The following RBFOX1 variants were observed in gnomAD, a reference collection of about 807,000 sequenced individuals.
The protein encoded by RBFOX1 is RNA binding protein fox-1 homolog 1.
In RBFOX1, 8 loss-of-function variants were observed where a neutral mutation model predicts 57.7. The ratio of observed to expected loss-of-function variants is 0.14; its 90% confidence interval spans 0.08 to 0.25. RBFOX1 has a LOEUF of 0.25. Ranked by LOEUF, RBFOX1 falls within the 10% of genes least tolerant of loss-of-function variation. RBFOX1 has a pLI of 1.00. For missense variants in RBFOX1, 611 were observed against 548.5 expected (o/e 1.11, Z -1.14); for synonymous variants, 326 against 222.4 (o/e 1.47, Z -4.15).
At chr16:7,003,062 G>A (rs1174378439) in intron 3 of RBFOX1, among the ~76,000 whole-genome samples, 1 of 151,750 alleles carries the variant, frequency 6.6e-6, no homozygotes, top group African/African-American at 2.4e-5. Flanking sequence ...GTTTCCCAAA[G>A]AGAGGTTATA....
At chr16:5,730,349 A>ATGGAGAGAATGAGCCTAGAG (rs1184494600) in intron 3 of RBFOX1, among the ~76,000 whole-genome samples, 135 of 152,226 alleles carry the variant, frequency 8.9e-4, no homozygotes, top group Non-Finnish European at 1.8e-3. Context: ...GAGCATATAG[A>ATGGAGAGAATGAGCCTAGAG]TGGAGAGAAT....
intron 3 of RBFOX1, among the ~76,000 whole-genome samples, chr16:6,686,276 C>T (rs1381754038): frequency 1.3e-5 from 2 of 152,162 alleles, no homozygotes; most frequent in African/African-American, 2.4e-5. Flanking sequence ...TCATAGCAAT[C>T]GAAGGCGTCT....
intron 3 of RBFOX1, among the ~76,000 whole-genome samples, chr16:6,966,769 ATCTATCTATCTATCTATCTATCTG>A (rs796340771): frequency 0.02 from 505 of 25,130 alleles, 5 homozygotes; most frequent in East Asian, 0.036. Context: ...CTGTCTATCT[ATCTATCTATCTATCTATCTATCTG>A]TCTGTCTGTC....
chr16:6,812,339 G>T (rs2088885648), intron 3 of RBFOX1, among the ~76,000 whole-genome samples: 2 of 152,112 alleles, frequency 1.3e-5, no homozygotes, highest in Admixed American at 1.3e-4. Context: ...AATGCAAAGT[G>T]CCAATTAGCA....
chr16:6,949,946 G>C (rs372395273), intron 3 of RBFOX1, among the ~76,000 whole-genome samples: 1 of 100,954 alleles, frequency 9.9e-6, no homozygotes, highest in Non-Finnish European at 2.1e-5. Context: ...TTTTTTTGTT[G>C]TTGTTGTTGT....
chr16:5,266,550 T>TTC (rs1302786456), intron 1 of RBFOX1, among the ~76,000 whole-genome samples: 1 of 148,344 alleles, frequency 6.7e-6, no homozygotes, highest in Non-Finnish European at 1.5e-5. Context: ...AATGTTCAGT[T>TTC]TTTTTTTTTT....
At chr16:6,645,499 G>T (rs1436823577) in intron 2 of RBFOX1, among the ~76,000 whole-genome samples, 2 of 152,192 alleles carry the variant, frequency 1.3e-5, no homozygotes, top group Middle Eastern at 3.4e-3. Flanking sequence ...TGCATTGTGG[G>T]CATGAATAAC....
intron 2 of RBFOX1, among the ~76,000 whole-genome samples, chr16:6,467,633 A>C (rs1412415400): frequency 2.0e-5 from 3 of 152,204 alleles, no homozygotes; most frequent in African/African-American, 7.2e-5. Flanking sequence ...ACAAATATAC[A>C]GGAAATAGAC....
intron 1 of RBFOX1, among the ~76,000 whole-genome samples, chr16:5,352,197 G>A (rs530866071): frequency 3.2e-4 from 48 of 152,100 alleles, no homozygotes; most frequent in Admixed American, 7.2e-4. Context: ...TCCCTCTCAT[G>A]TGCTCCTCCG....
intron 4 of RBFOX1, among the ~76,000 whole-genome samples, chr16:7,151,125 A>G (rs1416473075): frequency 6.6e-6 from 1 of 152,198 alleles, no homozygotes; most frequent in Non-Finnish European, 1.5e-5. Flanking sequence ...CCAACCAGCA[A>G]TGTCCTATGT....
chr16:5,291,261 G>GTTTT (rs71142610), intron 1 of RBFOX1, among the ~76,000 whole-genome samples: 17 of 118,800 alleles, frequency 1.4e-4, no homozygotes, highest in African/African-American at 3.3e-4. Context: ...TTTATCATTG[G>GTTTT]TTTTTTTTTT....
chr16:6,867,052 A>G (rs1022935413), intron 3 of RBFOX1, among the ~76,000 whole-genome samples: 17 of 151,044 alleles, frequency 1.1e-4, no homozygotes, highest in Admixed American at 9.2e-4. Flanking sequence ...TCTTGCTATT[A>G]TTATGAGTTT....
chr16:6,140,818 G>GA (rs1001012160), intron 1 of RBFOX1, among the ~76,000 whole-genome samples: 5 of 152,164 alleles, frequency 3.3e-5, no homozygotes, highest in African/African-American at 1.2e-4. Flanking sequence ...TCTCACTTCT[G>GA]AAAAAAGAGC....
At chr16:6,489,431 T>G (rs2095580221) in intron 2 of RBFOX1, among the ~76,000 whole-genome samples, 2 of 152,194 alleles carry the variant, frequency 1.3e-5, no homozygotes, top group South Asian at 4.1e-4. Flanking sequence ...TTGTTATTGT[T>G]TTTATCTACT....
chr16:5,812,620 C>G (rs951784853), intron 3 of RBFOX1, among the ~76,000 whole-genome samples: 8 of 151,990 alleles, frequency 5.3e-5, no homozygotes, highest in African/African-American at 1.9e-4. Context: ...CCATCATGTC[C>G]AGAAAATTCT....
chr16:5,707,883 T>C (rs1163859534), intron 3 of RBFOX1, among the ~76,000 whole-genome samples: 1 of 152,198 alleles, frequency 6.6e-6, no homozygotes, highest in Non-Finnish European at 1.5e-5. Context: ...TTGGGTTCAG[T>C]TTCCAGCTCT....
chr16:5,252,403 T>A (rs2062475081), intron 1 of RBFOX1, among the ~76,000 whole-genome samples: 1 of 152,232 alleles, frequency 6.6e-6, no homozygotes. Flanking sequence ...TATCTGCAAT[T>A]CAAGTTTAAC....
At chr16:6,204,673 T>G (rs146200039) in intron 1 of RBFOX1, among the ~76,000 whole-genome samples, 1 of 152,120 alleles carries the variant, frequency 6.6e-6, no homozygotes, top group Admixed American at 6.5e-5. Flanking sequence ...ATTTATGGGG[T>G]AAAGAAAAGC....
intron 3 of RBFOX1, among the ~76,000 whole-genome samples, chr16:6,919,252 G>T (rs1597219120): frequency 6.6e-6 from 1 of 152,002 alleles, no homozygotes; most frequent in South Asian, 2.1e-4. Flanking sequence ...CAAAGTGCTG[G>T]GCTGGGATTA....
Sources: allele counts gnomAD v4.1 joint callset (sites outside exome capture counted in the v4.1 genomes callset), GRCh38; gene constraint gnomAD v4.1.1; transcripts MANE v1.5; gene names NCBI Gene and HGNC (gene_info 2026-07-23, HGNC 2026-07-21).